The following TBC1D9 variants were observed in gnomAD, a reference collection of about 807,000 sequenced individuals.
TBC1D9 encodes TBC1 domain family member 9A.
A neutral mutation model predicts 132.0 loss-of-function variants in TBC1D9; 63 were observed. That is an observed-to-expected ratio of 0.48 (90% CI 0.39 to 0.59). The LOEUF is 0.59. Among genes scored for constraint, TBC1D9 ranks in the 20% least tolerant of loss-of-function variants. TBC1D9 has a pLI of 0.00. For synonymous variants in TBC1D9, 610 were observed against 609.9 expected (o/e 1.00, Z 0.00); for missense variants, 1,261 against 1,592.7 (o/e 0.79, Z 3.54).
At chr4:140,648,620 A>G (rs1315016176) in intron 13 of TBC1D9, among the ~76,000 whole-genome samples, 1 of 152,048 alleles carries the variant, frequency 6.6e-6, no homozygotes, top group Non-Finnish European at 1.5e-5. Flanking sequence ...TCCTGAGCTT[A>G]AGTGGTCTGC....
chr4:140,710,730 T>C (rs1434530448), intron 1 of TBC1D9, among the ~76,000 whole-genome samples: 4 of 152,120 alleles, frequency 2.6e-5, no homozygotes, highest in Non-Finnish European at 5.9e-5. Context: ...TTCCTTCTCC[T>C]GGGTGGGGGG....
In TBC1D9 at chr4:140,697,249, G is replaced by GTGTGTGC. The variant is rs376242742; in HGVS notation, c.241+4248_241+4254dup. ...ATAAATAAATTAGCAGGGCACGGTG[G>GTGTGTGC]TGTGTGCCTGTAGTCCCAGCTACCT... On this transcript the variant is annotated intron_variant, in intron 2 of 20. Transcript: ENST00000442267. 8.3e-4 allele frequency among the ~76,000 whole-genome samples: 126 copies of GTGTGTGC among 152,232 alleles called. 1 individual carries two copies. The highest frequency in any genetic ancestry group is 3.0e-3 in the African/African-American group (125 of 41,554).
At chr4:140,750,564 C>A (rs1389342570) in intron 1 of TBC1D9, among the ~76,000 whole-genome samples, 1 of 149,280 alleles carries the variant, frequency 6.7e-6, no homozygotes, top group Non-Finnish European at 1.5e-5. Flanking sequence ...ATATGAAACA[C>A]CTAGGAATAA....
chr4:140,715,688 T>C (rs1345203810), intron 1 of TBC1D9: 1 of 152,296 alleles, frequency 6.6e-6, no homozygotes, highest in East Asian at 1.9e-4. Flanking sequence ...AATCATGCTA[T>C]TTGCAAGGGA....
intron 10 of TBC1D9, among the ~76,000 whole-genome samples, chr4:140,660,951 G>T (rs1475920223): frequency 2.0e-5 from 3 of 151,466 alleles, no homozygotes; most frequent in African/African-American, 7.3e-5. Flanking sequence ...GTCTTGCTCT[G>T]TCGCCCAGGC....
Position 140,698,650 on chromosome 4 carries a change from A to C in TBC1D9, c.241+2854T>G, listed in dbSNP as rs1376209015. Among the ~76,000 whole-genome samples the C allele has an allele frequency of 2.0e-5, 3 of 151,370 alleles. No homozygotes were observed. The East Asian group carries it at 5.9e-4, about 30-fold the overall frequency. On this transcript the variant is annotated intron_variant, in intron 2 of 20. Transcript: ENST00000442267. ...CTACTCAGGAGGCTGAGTCAGGAGA[A>C]TCGCTTGAGCCTACGAGGCAGATGT...
At chr4:140,637,209 G>C (rs977004726) in intron 15 of TBC1D9, among the ~76,000 whole-genome samples, 2 of 152,124 alleles carry the variant, frequency 1.3e-5, no homozygotes, top group African/African-American at 4.8e-5. Flanking sequence ...AATCAGCCAG[G>C]CATGGTGGCA....
intron 15 of TBC1D9, among the ~76,000 whole-genome samples, chr4:140,638,509 GAAAAAAA>G (rs879795021): frequency 7.6e-6 from 1 of 131,178 alleles, no homozygotes; most frequent in Non-Finnish European, 1.7e-5. Flanking sequence ...TAAAAAAAAA[GAAAAAAA>G]AAAAGAAAAA....
chr4:140,735,754 A>T (rs1738663970), intron 1 of TBC1D9, among the ~76,000 whole-genome samples: 1 of 152,226 alleles, frequency 6.6e-6, no homozygotes, highest in Non-Finnish European at 1.5e-5. Flanking sequence ...AAAGTTTAGT[A>T]CAGTTATTGC....
Position 140,622,884 on chromosome 4 carries a change from T to C in TBC1D9, c.3112A>G (p.Asn1038Asp), listed in dbSNP as rs1418658047. 6.3e-7 allele frequency: 1 copy of C among 1,581,240 alleles called. No homozygotes were observed. Among genetic ancestry groups the C allele is most frequent in the Admixed American group, 1.8e-5 (1 of 56,360 alleles). Residue 1038 changes from asparagine (N) to aspartate (D), a missense_variant, in exon 21 of 21, where the codon AAC becomes GAC. Around this residue, in one of 3 missense-constraint regions of TBC1D9, gnomAD observed 618 missense variants for 724.4 expected, o/e 0.85. Coordinates refer to ENST00000442267, the MANE Select transcript of TBC1D9 (RefSeq NM_015130.3). ...TCATTGGGGTCTTCGCTGAACATGTTATACATTGTCTTACACAGTTCAATG... is the reference window on the plus strand; with the variant it reads ...TCATTGGGGTCTTCGCTGAACATGTCATACATTGTCTTACACAGTTCAATG... ...QFIELCKTMY[N>D]MFSEDPNEQE...
intron 6 of TBC1D9, among the ~76,000 whole-genome samples, chr4:140,675,611 A>G (rs1325999816): frequency 1.3e-5 from 2 of 152,182 alleles, no homozygotes; most frequent in Non-Finnish European, 2.9e-5. Flanking sequence ...ACCCCAGAAC[A>G]ATAATAATGT....
rs746243690 is a variant in TBC1D9, at chr4:140,755,937, C to T, written c.109G>A (p.Gly37Ser). Residue 37 changes from glycine (G) to serine (S), a missense_variant, in exon 1 of 21, where the codon GGC (glycine) becomes AGC (serine). Physicochemically the swap from Gly to Ser is moderately conservative, Grantham distance 56. Around this residue, in one of 3 missense-constraint regions of TBC1D9, gnomAD observed 550 missense variants for 699.0 expected, o/e 0.79. Coordinates refer to ENST00000442267, the MANE Select transcript of TBC1D9 (RefSeq NM_015130.3). Reference protein sequence around the residue: ...QRRKGHAGDGGGGGGLAGLLV... With the variant: ...QRRKGHAGDGSGGGGLAGLLV... ...TTACCCGCCAGTCCGCCGCCGCCGCCTCCATCGCCGGCGTGGCCCTTCCTC... is the reference window on the plus strand; with the variant it reads ...TTACCCGCCAGTCCGCCGCCGCCGCTTCCATCGCCGGCGTGGCCCTTCCTC... 2.5e-6 allele frequency: 4 copies of T among 1,586,504 alleles called. No homozygotes were observed. The highest frequency in any genetic ancestry group is 1.8e-5 in the Admixed American group (1 of 56,714).
At chr4:140,722,913 C>T (rs1738446335) in intron 1 of TBC1D9, among the ~76,000 whole-genome samples, 1 of 152,062 alleles carries the variant, frequency 6.6e-6, no homozygotes, top group African/African-American at 2.4e-5. Context: ...CTTCGGGGTT[C>T]TCTCTCACCT....
At chr4:140,637,596 C>G (rs1736900928) in intron 15 of TBC1D9, among the ~76,000 whole-genome samples, 1 of 152,212 alleles carries the variant, frequency 6.6e-6, no homozygotes, top group African/African-American at 2.4e-5. Flanking sequence ...TCCTCAGCAT[C>G]CCTTAAAAAC....
intron 1 of TBC1D9, among the ~76,000 whole-genome samples, chr4:140,744,023 C>T (rs768685787): frequency 1.3e-5 from 2 of 152,120 alleles, no homozygotes; most frequent in Admixed American, 6.5e-5. Context: ...TTCATTCCCA[C>T]GGTTTCTTTG....
chr4:140,707,768 C>G (rs1161547906), intron 1 of TBC1D9, among the ~76,000 whole-genome samples: 1 of 152,074 alleles, frequency 6.6e-6, no homozygotes, highest in East Asian at 1.9e-4. Flanking sequence ...ACAAGTGTTT[C>G]TCATCCTGGC....
chr4:140,703,269 G>A (rs1738099245), intron 1 of TBC1D9, among the ~76,000 whole-genome samples: 1 of 152,120 alleles, frequency 6.6e-6, no homozygotes, highest in Admixed American at 6.5e-5. Context: ...TGAATCTGAG[G>A]CACAAATTCT....
rs910562537 is a variant in TBC1D9, at chr4:140,706,767, CTTA to C, written c.131-5156_131-5154del. Among the ~76,000 whole-genome samples the C allele has an allele frequency of 1.3e-5, 2 of 152,026 alleles. No individual in the cohort carries two copies. Among genetic ancestry groups the C allele is most frequent in the Non-Finnish European group, 2.9e-5 (2 of 68,010 alleles). The stretch of plus-strand genomic sequence containing the variant: ...AATTTGTCTGCAAGGTACACTGCAG[CTTA>C]TTTTTTTCAATCAATATGTTTGTAA... On this transcript the variant is annotated intron_variant, in intron 1 of 20. Transcript: ENST00000442267. This position sits in a 1 kb window ranked among gnomAD's most constrained non-coding sequence, Gnocchi z 4.0.
intron 16 of TBC1D9, among the ~76,000 whole-genome samples, chr4:140,630,725 A>G (rs994115214): frequency 7.2e-5 from 11 of 152,152 alleles, no homozygotes; most frequent in African/African-American, 2.7e-4. Flanking sequence ...GTCACCTAAC[A>G]TACCCTTGGC....
Sources: allele counts gnomAD v4.1 joint callset (sites outside exome capture counted in the v4.1 genomes callset), GRCh38; gene constraint gnomAD v4.1.1; regional missense constraint gnomAD v4.1.1; non-coding constraint Gnocchi (gnomAD v3.1); transcripts MANE v1.5; gene names NCBI Gene and HGNC (gene_info 2026-07-23, HGNC 2026-07-21).